CCDC30: variants seen among roughly 807,000 people sequenced by gnomAD.
CCDC30 encodes coiled-coil domain containing 30, also known as coiled-coil domain-containing protein 30.
CCDC30 carries 70 observed loss-of-function variants against 100.2 expected under a neutral mutation model. The ratio of observed to expected loss-of-function variants is 0.70; its 90% CI spans 0.58 to 0.85. CCDC30 has a LOEUF of 0.85. CCDC30 is among the 40% of genes least tolerant of loss of function. The pLI is 0.00. For missense variants in CCDC30, 652 were observed against 771.2 expected (o/e 0.85, Z 1.83); for synonymous variants, 233 against 269.5 (o/e 0.86, Z 1.33).
intron 6 of CCDC30, among the ~76,000 whole-genome samples, chr1:42,545,206 TA>T (rs1449800146): frequency 2.9e-5 from 4 of 136,650 alleles, no homozygotes; most frequent in Non-Finnish European, 6.4e-5. Flanking sequence ...TACATACCCT[TA>T]TGCCTATGGT....
intron 1 of CCDC30, among the ~76,000 whole-genome samples, chr1:42,469,204 C>G (rs1052755789): frequency 2.0e-5 from 3 of 151,940 alleles, no homozygotes; most frequent in Non-Finnish European, 4.4e-5. Context: ...CATATAAGAC[C>G]CTCGTCTCTA....
upstream of CCDC30, among the ~76,000 whole-genome samples, chr1:42,462,215 G>A (rs1160048604): frequency 6.6e-6 from 1 of 152,150 alleles, no homozygotes; most frequent in Non-Finnish European, 1.5e-5. Context: ...AAAAATTCCA[G>A]GGGGGTGGGG....
At chr1:42,519,479 T>C (rs1644603571) in intron 6 of CCDC30, among the ~76,000 whole-genome samples, 1 of 152,194 alleles carries the variant, frequency 6.6e-6, no homozygotes, top group South Asian at 2.1e-4. Context: ...CTATTCAGAT[T>C]TTCTGTTTCT....
intron 10 of CCDC30, among the ~76,000 whole-genome samples, chr1:42,608,110 G>A (rs1360589124): frequency 6.6e-6 from 1 of 151,722 alleles, no homozygotes; most frequent in Non-Finnish European, 1.5e-5. Context: ...CTAGACCAGG[G>A]GTCATAAGGC....
intron 8 of CCDC30, among the ~76,000 whole-genome samples, chr1:42,578,621 C>T (rs867689800): frequency 1.3e-5 from 2 of 152,134 alleles, no homozygotes; most frequent in Non-Finnish European, 2.9e-5. Flanking sequence ...TTTGGTGCAA[C>T]AAGAACTCAT....
upstream of CCDC30, chr1:42,459,427 C>T (rs1643342060): frequency 1.6e-6 from 1 of 638,062 alleles, no homozygotes; most frequent in Non-Finnish European, 2.7e-6. Flanking sequence ...TTCCAAAGTG[C>T]TGGGATTACA....
chr1:42,507,839 C>T (rs2105062), intron 6 of CCDC30, among the ~76,000 whole-genome samples: 95,510 of 152,052 alleles, frequency 0.63, 30,232 homozygotes, highest in South Asian at 0.72. Context: ...ATTTGACTTA[C>T]ATGATTTAGA....
At chr1:42,456,812 T>C in the CCDC30 span, 4 of 1,613,318 alleles carry the variant, frequency 2.5e-6, no homozygotes, top group African/African-American at 5.3e-5. Context: ...GGTCCTGTTC[T>C]TGTATCGCGC....
chr1:42,644,802 G>C, exon 14 of CCDC30: 1 of 1,600,020 alleles, frequency 6.2e-7, no homozygotes, highest in Non-Finnish European at 8.6e-7. Context: ...TATTCGCAGA[G>C]GAGAGGTAAG....
chr1:42,540,215 A>T (rs1644984976), intron 6 of CCDC30, among the ~76,000 whole-genome samples: 1 of 152,236 alleles, frequency 6.6e-6, no homozygotes, highest in South Asian at 2.1e-4. Context: ...CCAGAAAATC[A>T]GGAGCAGGTT....
At chr1:42,651,755 T>C (rs1399848222) in intron 15 of CCDC30, among the ~76,000 whole-genome samples, 1 of 152,144 alleles carries the variant, frequency 6.6e-6, no homozygotes, top group Non-Finnish European at 1.5e-5. Context: ...GCACCTGTGG[T>C]TGTAGCTTCT....
intron 16 of CCDC30, 80 bp from the exon 21 acceptor site, chr1:42,653,738 C>A: frequency 1.0e-6 from 1 of 995,624 alleles, no homozygotes; most frequent in South Asian, 1.5e-5. Context: ...GAAATTCTAT[C>A]AATGCCTGTA....
upstream of CCDC30, among the ~76,000 whole-genome samples, chr1:42,463,004 C>T (rs1362119134): frequency 6.6e-6 from 1 of 151,302 alleles, no homozygotes; most frequent in Non-Finnish European, 1.5e-5. Context: ...CAGCTGAGTC[C>T]TGGCGGGAAG....
intron 6 of CCDC30, among the ~76,000 whole-genome samples, chr1:42,546,157 G>A (rs1046533283): frequency 6.0e-5 from 9 of 150,720 alleles, no homozygotes; most frequent in East Asian, 1.9e-4. Flanking sequence ...AGGCCAAGGC[G>A]GGCGGATCAC....
At chr1:42,486,945 T>A (rs1372477709) in intron 3 of CCDC30, among the ~76,000 whole-genome samples, 1 of 151,854 alleles carries the variant, frequency 6.6e-6, no homozygotes, top group Non-Finnish European at 1.5e-5. Context: ...TTAGATGAAA[T>A]GTACATAAAA....
chr1:42,619,561 A>G (rs1459130940), intron 11 of CCDC30, among the ~76,000 whole-genome samples: 1 of 152,154 alleles, frequency 6.6e-6, no homozygotes, highest in African/African-American at 2.4e-5. Context: ...AGATCATGGC[A>G]AAACAGGTTA....
intron 6 of CCDC30, among the ~76,000 whole-genome samples, chr1:42,538,956 C>G (rs1165365575): frequency 6.6e-6 from 1 of 152,130 alleles, no homozygotes; most frequent in African/African-American, 2.4e-5. Context: ...ATGATAGAAA[C>G]TAAGAATGCT....
In CCDC30 at chr1:42,646,332, C is replaced by T. The variant is rs983408731; in HGVS notation, c.1854+15C>T. On this transcript the variant is annotated intron_variant, in intron 15 of 16. Transcript: ENST00000668663. ...CTGAGCAGATGGTAGGAGAATCCAA[C>T]TTCCACATCCACAATACCCTTCCCC... 2 of 1,470,696 alleles carry T rather than the reference C, an allele frequency of 1.4e-6. No homozygotes were observed. The highest frequency in any genetic ancestry group is 1.4e-5 in the South Asian group (1 of 70,018). 91.1% of individuals were successfully genotyped at this position (1,470,696 alleles called of 1,614,324 possible).
chr1:42,473,875 A>G (rs1200158015), intron 1 of CCDC30, among the ~76,000 whole-genome samples: 1 of 152,208 alleles, frequency 6.6e-6, no homozygotes, highest in Non-Finnish European at 1.5e-5. Context: ...TGAGATAGCC[A>G]GGTTTCCACA....
Sources: gnomAD v4.1 joint callset for allele counts (sites outside exome capture counted in the v4.1 genomes callset) on GRCh38, gnomAD v4.1.1 for gene constraint, MANE v1.5 for transcripts, NCBI Gene and HGNC (gene_info 2026-07-23, HGNC 2026-07-21) for gene names.